KCNH1: variants seen among roughly 807,000 people sequenced by gnomAD.
KCNH1 encodes voltage-gated delayed rectifier potassium channel KCNH1.
In KCNH1, 27 loss-of-function variants were observed where a neutral mutation model predicts 69.2. The ratio of observed to expected loss-of-function variants is 0.39; its 90% CI spans 0.29 to 0.54. The LOEUF (loss-of-function observed/expected upper bound fraction) is 0.54, where lower values mean the gene tolerates loss of function less well. Among genes scored for constraint, KCNH1 ranks in the 20% least tolerant of loss-of-function variants. The pLI is 0.68. For missense variants in KCNH1, 798 were observed against 1,261.6 expected, an observed-to-expected ratio of 0.63 and a Z score of 5.57; for synonymous variants, 456 against 487.7, an observed-to-expected ratio of 0.93 and a Z score of 0.86.
At chr1:210,759,409 T>G (rs1683468328) in intron 10 of KCNH1, among the ~76,000 whole-genome samples, 1 of 151,830 alleles carries the variant, frequency 6.6e-6, no homozygotes, top group African/African-American at 2.4e-5. Context: ...TGAATTCCAA[T>G]ACAAAGAAGC....
chr1:210,943,963 C>G (rs533475599), intron 6 of KCNH1, among the ~76,000 whole-genome samples: 8 of 152,300 alleles, frequency 5.3e-5, no homozygotes, highest in African/African-American at 1.9e-4. Flanking sequence ...GCTGGCTTGG[C>G]TTCAGTTCTT....
At chr1:211,102,002 A>T (rs1056547882) in intron 3 of KCNH1, among the ~76,000 whole-genome samples, 7 of 152,190 alleles carry the variant, frequency 4.6e-5, no homozygotes, top group African/African-American at 1.7e-4. Context: ...GAGGGAAGAA[A>T]TGCTGATTCT....
At chr1:210,869,795 C>A (rs150082716) in intron 7 of KCNH1, among the ~76,000 whole-genome samples, 40 of 152,244 alleles carry the variant, frequency 2.6e-4, no homozygotes, top group African/African-American at 9.4e-4. Flanking sequence ...TTTACCCTGG[C>A]TGGTCATAAC....
At chr1:210,958,422 G>C (rs193262575) in intron 6 of KCNH1, among the ~76,000 whole-genome samples, 4 of 152,100 alleles carry the variant, frequency 2.6e-5, no homozygotes, top group Non-Finnish European at 5.9e-5. Context: ...TCTTTGTGGG[G>C]TTCTCTGTAT....
intron 5 of KCNH1, among the ~76,000 whole-genome samples, chr1:211,021,453 A>G (rs758731938): frequency 2.6e-5 from 4 of 152,108 alleles, no homozygotes; most frequent in Non-Finnish European, 4.4e-5. Context: ...TCAACATAGC[A>G]CTGAAAGTCC....
intron 5 of KCNH1, among the ~76,000 whole-genome samples, chr1:211,077,513 TC>T (rs2102462829): frequency 6.6e-6 from 1 of 152,212 alleles, no homozygotes; most frequent in Non-Finnish European, 1.5e-5. Flanking sequence ...AAACTAAGCT[TC>T]ATAAGCAAAG....
At chr1:210,807,527 A>C (rs1684608772) in intron 7 of KCNH1, among the ~76,000 whole-genome samples, 1 of 152,012 alleles carries the variant, frequency 6.6e-6, no homozygotes, top group African/African-American at 2.4e-5. Flanking sequence ...CACAAGAATC[A>C]CTTGAACCTG....
intron 10 of KCNH1, among the ~76,000 whole-genome samples, chr1:210,747,501 A>G (rs1281646091): frequency 6.6e-6 from 1 of 152,214 alleles, no homozygotes; most frequent in Non-Finnish European, 1.5e-5. Flanking sequence ...CCATGAATTC[A>G]TGTTTATGTT....
chr1:210,898,680 GC>G (rs201128264), intron 7 of KCNH1, among the ~76,000 whole-genome samples: 2,287 of 142,624 alleles, frequency 0.016, 95 homozygotes, highest in African/African-American at 0.053. Context: ...AGGCGTGGCG[GC>G]GGGGGGGGGT....
At chr1:210,988,690 G>A (rs1688888890) in intron 6 of KCNH1, among the ~76,000 whole-genome samples, 1 of 152,192 alleles carries the variant, frequency 6.6e-6, no homozygotes, top group Non-Finnish European at 1.5e-5. Flanking sequence ...TGTGAGAACA[G>A]AAGGCCTATA....
chr1:210,833,641 A>G (rs866587253), intron 7 of KCNH1, among the ~76,000 whole-genome samples: 2 of 152,310 alleles, frequency 1.3e-5, no homozygotes, highest in Non-Finnish European at 2.9e-5. Context: ...CTTCATGTCT[A>G]AAACACCAAA....
intron 7 of KCNH1, among the ~76,000 whole-genome samples, chr1:210,916,031 C>T (rs1687326424): frequency 6.6e-6 from 1 of 152,076 alleles, no homozygotes; most frequent in South Asian, 2.1e-4. Context: ...ACCTGGTAGT[C>T]AGGGAGGGAG....
chr1:210,996,956 C>G (rs758962395), intron 6 of KCNH1, among the ~76,000 whole-genome samples: 4 of 152,194 alleles, frequency 2.6e-5, no homozygotes, highest in Non-Finnish European at 5.9e-5. Context: ...AGGGTTCTGT[C>G]TGTTAGAAGG....
At chr1:210,862,673 C>T (rs910932819) in intron 7 of KCNH1, among the ~76,000 whole-genome samples, 7 of 152,158 alleles carry the variant, frequency 4.6e-5, no homozygotes, top group Non-Finnish European at 8.8e-5. Flanking sequence ...AAAAACAATT[C>T]CTTTTTGCTT....
chr1:211,115,062 G>A (rs189460826), intron 1 of KCNH1, among the ~76,000 whole-genome samples: 58 of 151,922 alleles, frequency 3.8e-4, no homozygotes, highest in Admixed American at 1.1e-3. Context: ...TCTGCATCCC[G>A]GTTTCAACCT....
chr1:210,973,224 T>C (rs1688545391), intron 6 of KCNH1, among the ~76,000 whole-genome samples: 1 of 152,134 alleles, frequency 6.6e-6, no homozygotes, highest in South Asian at 2.1e-4. Context: ...CAAAGTGAAA[T>C]AACATTTCTC....
intron 10 of KCNH1, among the ~76,000 whole-genome samples, chr1:210,688,938 C>T (rs2149003853): frequency 6.6e-6 from 1 of 152,324 alleles, no homozygotes; most frequent in African/African-American, 2.4e-5. Context: ...AGTCCAGATC[C>T]TTCCTGGATC....
At chr1:210,812,659 T>G (rs1684730288) in intron 7 of KCNH1, among the ~76,000 whole-genome samples, 1 of 152,194 alleles carries the variant, frequency 6.6e-6, no homozygotes, top group South Asian at 2.1e-4. Context: ...CTATGCAGGG[T>G]GCAGGAGGGA....
chr1:211,133,964 T>G lies in KCNH1; in HGVS notation c.-19A>C. 2.5e-6 allele frequency: 4 copies of G among 1,604,038 alleles called. No homozygotes were observed. The highest frequency in any genetic ancestry group is 3.4e-6 in the Non-Finnish European group (4 of 1,174,482). Reference sequence around the variant, plus strand: ...TGGTCATCCTCCCAGCAGCTCGGGGTCCGGCGGGCGTCCTGGCGCGGCTTC... The same window carrying G: ...TGGTCATCCTCCCAGCAGCTCGGGGGCCGGCGGGCGTCCTGGCGCGGCTTC... On this transcript the variant is annotated 5_prime_UTR_variant, in exon 1 of 11. Transcript: ENST00000271751. The surrounding 1 kb of genome is among the most constrained non-coding windows in gnomAD (Gnocchi z 5.4).
Sources: allele counts gnomAD v4.1 joint callset (sites outside exome capture counted in the v4.1 genomes callset), GRCh38; gene constraint gnomAD v4.1.1; non-coding constraint Gnocchi (gnomAD v3.1); transcripts MANE v1.5; gene names NCBI Gene and HGNC (gene_info 2026-07-23, HGNC 2026-07-21).